The following TTC27 variants were observed in gnomAD, a reference collection of about 807,000 sequenced individuals.
TTC27 encodes the protein tetratricopeptide repeat domain 27.
Under a neutral mutation model 115.9 loss-of-function variants are expected in TTC27, and 79 were observed. The ratio of observed to expected loss-of-function variants is 0.68; its 90% CI spans 0.57 to 0.82. The LOEUF (loss-of-function observed/expected upper bound fraction) is 0.82, where lower values mean the gene tolerates loss of function less well. TTC27 is among the 40% of genes least tolerant of loss of function. TTC27 has a pLI of 0.00. For synonymous variants in TTC27, 401 were observed against 356.0 expected (o/e 1.13, Z -1.42); for missense variants, 1,054 against 993.1 (o/e 1.06, Z -0.82).
intron 16 of TTC27, among the ~76,000 whole-genome samples, chr2:32,791,129 A>T (rs1376389683): frequency 1.3e-5 from 2 of 152,178 alleles, no homozygotes; most frequent in African/African-American, 2.4e-5. Flanking sequence ...ACTGATTTTC[A>T]TGTTCCTACA....
intron 9 of TTC27, among the ~76,000 whole-genome samples, chr2:32,694,938 C>T (rs1413536769): frequency 6.6e-6 from 1 of 152,002 alleles, no homozygotes; most frequent in South Asian, 2.1e-4. Context: ...CTTGGCCTCC[C>T]AAAGTGCTGG....
intron 11 of TTC27, among the ~76,000 whole-genome samples, chr2:32,735,483 A>G (rs1668424043): frequency 6.6e-6 from 1 of 152,166 alleles, no homozygotes; most frequent in East Asian, 1.9e-4. Context: ...TTTAGGCCAA[A>G]TGCTTATCTG....
chr2:32,743,647 C>G (rs1316753062), intron 12 of TTC27, among the ~76,000 whole-genome samples: 1 of 152,184 alleles, frequency 6.6e-6, no homozygotes, highest in Non-Finnish European at 1.5e-5. Flanking sequence ...GGGAACCCCT[C>G]AAATACCCAA....
At chr2:32,793,885 T>TA (rs1670618320) in intron 16 of TTC27, among the ~76,000 whole-genome samples, 1 of 152,096 alleles carries the variant, frequency 6.6e-6, no homozygotes, top group African/African-American at 2.4e-5. Context: ...ACTAATACAT[T>TA]AAAAAAACAG....
intron 13 of TTC27, among the ~76,000 whole-genome samples, chr2:32,768,786 G>T (rs1189122216): frequency 1.3e-5 from 2 of 152,190 alleles, no homozygotes; most frequent in African/African-American, 4.8e-5. Flanking sequence ...AATTTTCTGG[G>T]ACTTACACAT....
At chr2:32,638,455 T>C (rs1020336303) in intron 3 of TTC27, among the ~76,000 whole-genome samples, 4 of 152,212 alleles carry the variant, frequency 2.6e-5, no homozygotes, top group Admixed American at 6.5e-5. Context: ...CACGGCTCAC[T>C]GTAACCTCCG....
chr2:32,767,776 A>T (rs1669689887), intron 13 of TTC27, among the ~76,000 whole-genome samples: 1 of 152,196 alleles, frequency 6.6e-6, no homozygotes. Flanking sequence ...AAGTTTTAAT[A>T]TTAACAAAGC....
intron 13 of TTC27, among the ~76,000 whole-genome samples, chr2:32,761,778 G>A (rs568083236): frequency 6.6e-6 from 1 of 151,986 alleles, no homozygotes; most frequent in South Asian, 2.1e-4. Context: ...TTTTTCCGTA[G>A]CACTTATGTA....
intron 12 of TTC27, among the ~76,000 whole-genome samples, chr2:32,755,151 C>T (rs1669177626): frequency 6.6e-6 from 1 of 151,924 alleles, no homozygotes; most frequent in African/African-American, 2.4e-5. Flanking sequence ...GGCAGCCAGG[C>T]AGAGACGCTC....
intron 13 of TTC27, among the ~76,000 whole-genome samples, chr2:32,770,756 A>G (rs17012239): frequency 0.19 from 28,537 of 152,042 alleles, 3,029 homozygotes; most frequent in South Asian, 0.36. Context: ...CTCTTCCTTG[A>G]TTTAACTTTT....
At chr2:32,710,024 T>G (rs1667521072) in intron 10 of TTC27, among the ~76,000 whole-genome samples, 1 of 152,206 alleles carries the variant, frequency 6.6e-6, no homozygotes, top group East Asian at 1.9e-4. Flanking sequence ...TTTTGTTTGT[T>G]TGTATTTGAG....
intron 18 of TTC27, among the ~76,000 whole-genome samples, chr2:32,815,095 T>G (rs1488100906): frequency 2.6e-5 from 4 of 152,164 alleles, no homozygotes; most frequent in Non-Finnish European, 4.4e-5. Flanking sequence ...CATTTATAGT[T>G]TCTGCTATTT....
At chr2:32,723,728 C>CCCTCCTTCCTTCCTTCCT in intron 10 of TTC27, among the ~76,000 whole-genome samples, 2 of 29,530 alleles carry the variant, frequency 6.8e-5, no homozygotes, top group South Asian at 3.9e-3. Flanking sequence ...CCCTCCCTCC[C>CCCTCCTTCCTTCCTTCCT]TCCTTCCTTC....
At chr2:32,741,363 G>T (rs1314966967) in intron 12 of TTC27, among the ~76,000 whole-genome samples, 1 of 152,076 alleles carries the variant, frequency 6.6e-6, no homozygotes, top group African/African-American at 2.4e-5. Flanking sequence ...ACAGCTGTTG[G>T]CCAGGTGTGG....
intron 16 of TTC27, among the ~76,000 whole-genome samples, chr2:32,797,811 G>A (rs557222308): frequency 5.3e-5 from 8 of 152,134 alleles, no homozygotes; most frequent in South Asian, 4.2e-4. Flanking sequence ...CAGTATCAAC[G>A]GAGTAAAAAG....
chr2:32,692,709 C>T (rs1376509689), intron 9 of TTC27, among the ~76,000 whole-genome samples: 1 of 152,116 alleles, frequency 6.6e-6, no homozygotes, highest in Non-Finnish European at 1.5e-5. Context: ...CGGTGGTTTA[C>T]ACCTGTAATC....
At chr2:32,681,123 T>C (rs920885217) in intron 9 of TTC27, among the ~76,000 whole-genome samples, 9 of 152,162 alleles carry the variant, frequency 5.9e-5, no homozygotes, top group Admixed American at 5.2e-4. Context: ...GACCTCTTTT[T>C]GGAGGAAAGC....
intron 13 of TTC27, among the ~76,000 whole-genome samples, chr2:32,770,100 G>A (rs1669778788): frequency 6.6e-6 from 1 of 152,164 alleles, no homozygotes; most frequent in South Asian, 2.1e-4. Context: ...GGAGACTAGC[G>A]GATGTAAAAA....
rs191696995 is a variant in TTC27 at position 32,649,690 on chromosome 2, C to T, written c.538-441C>T. Among the ~76,000 whole-genome samples, 212 of 151,960 alleles carry T rather than the reference C, an allele frequency of 1.4e-3. 1 individual carries two copies. Among genetic ancestry groups the T allele is most frequent in the African/African-American group, 4.9e-3 (203 of 41,440 alleles). On this transcript the variant is annotated intron_variant, in intron 4 of 19. Transcript: ENST00000317907. ...TCTCCCGAGTAGCTGGGACTACAGG[C>T]GCCTGCCACCACGCCCAGCTAATTT...
Sources: gnomAD v4.1 joint callset for allele counts (sites outside exome capture counted in the v4.1 genomes callset) on GRCh38, gnomAD v4.1.1 for gene constraint, MANE v1.5 for transcripts, NCBI Gene and HGNC (gene_info 2026-07-23, HGNC 2026-07-21) for gene names.